DHX29: variants seen among roughly 807,000 people sequenced by gnomAD.
DHX29 encodes the protein DExH-box helicase 29.
A neutral mutation model predicts 167.9 loss-of-function variants in DHX29; 79 were observed. The ratio of observed to expected loss-of-function variants is 0.47; its 90% confidence interval spans 0.39 to 0.57. DHX29 has a LOEUF of 0.57. Among genes scored for constraint, DHX29 ranks in the 20% least tolerant of loss-of-function variants. The probability of loss-of-function intolerance (pLI) is 0.00; values close to 1 mark genes in which losing one functional copy is unlikely to be tolerated. For synonymous variants in DHX29, 530 were observed against 546.0 expected, an observed-to-expected ratio of 0.97 and a Z score of 0.41; for missense variants, 1,347 against 1,593.4, an observed-to-expected ratio of 0.85 and a Z score of 2.63.
intron 12 of DHX29, among the ~76,000 whole-genome samples, chr5:55,280,713 C>T (rs1161765852): frequency 6.6e-6 from 1 of 152,160 alleles, no homozygotes; most frequent in African/African-American, 2.4e-5. Flanking sequence ...GCTTGCAGCA[C>T]ATTCAGCATT....
intron 10 of DHX29, among the ~76,000 whole-genome samples, chr5:55,284,226 G>A (rs959124471): frequency 5.3e-5 from 8 of 152,082 alleles, no homozygotes; most frequent in Non-Finnish European, 1.0e-4. Flanking sequence ...GCTTATTCTC[G>A]GAATATGTTG....
chr5:55,283,906 A>G, intron 10 of DHX29, 95 bp from the exon 11 acceptor site: 1 of 1,034,674 alleles, frequency 9.7e-7, no homozygotes, highest in South Asian at 2.0e-5. Flanking sequence ...TTCATCTTAA[A>G]ATATAATTTG....
intron 13 of DHX29, 50 bp downstream of exon 13, chr5:55,277,056 C>A: frequency 7.2e-7 from 1 of 1,384,240 alleles, no homozygotes; most frequent in Non-Finnish European, 1.0e-6. Context: ...GGGAAAGAAC[C>A]TGGTGGGAAT....
intron 10 of DHX29, among the ~76,000 whole-genome samples, chr5:55,284,799 T>C (rs1476918336): frequency 2.0e-5 from 3 of 152,050 alleles, no homozygotes; most frequent in Non-Finnish European, 4.4e-5. Flanking sequence ...CGAGACAATA[T>C]AACATTAAAG....
chr5:55,269,048 C>T (rs1332749571), intron 21 of DHX29, among the ~76,000 whole-genome samples: 1 of 151,626 alleles, frequency 6.6e-6, no homozygotes, highest in African/African-American at 2.4e-5. Flanking sequence ...AAATTCTTAT[C>T]CAACCTGGCC....
In DHX29 at chr5:55,307,484, A is replaced by T. The variant is rs1394002901; in HGVS notation, c.90T>A (p.Ala30=). The part of the protein sequence containing the change: ...VSASRAKSAE[A]GIAGEAQSKK... ...TGCTTTGGGCCTCCCCGGCAATTCC[A>T]GCCTCGGCAGATTTGGCTCTGGAAG... is the stretch of plus-strand genomic sequence containing the variant. The change falls in exon 1 of 27, where the codon GCT becomes GCA. Residue 30 remains alanine (A), a synonymous_variant. Transcript: ENST00000251636. 6.2e-7 allele frequency: 1 copy of T among 1,613,570 alleles called. No homozygotes were observed. Among genetic ancestry groups the T allele is most frequent in the Admixed American group, 1.7e-5 (1 of 60,028 alleles).
chr5:55,299,015 C>T (rs1456259593), intron 1 of DHX29, among the ~76,000 whole-genome samples: 1 of 122,366 alleles, frequency 8.2e-6, no homozygotes, highest in African/African-American at 3.2e-5. Flanking sequence ...CCGGCCTGGG[C>T]GACAGAGCGA....
chr5:55,299,396 TC>T (rs528666922), intron 1 of DHX29, among the ~76,000 whole-genome samples: 36 of 152,274 alleles, frequency 2.4e-4, no homozygotes, highest in African/African-American at 8.7e-4. Flanking sequence ...AGGTGGGAGT[TC>T]CTATCATCTT....
Position 55,290,343 on chromosome 5 carries a change from T to G in DHX29, c.782A>C (p.Asn261Thr). ...SLEEEEKFDP[N>T]ERYLHLAAKL... ...TGCTGCAAGATGTAAGTACCTTTCA[T>G]TCTGTTCCAAATAAAACAATGAGGA... The change falls in exon 7 of 27, where the codon AAT becomes ACT. Residue 261 changes from asparagine to threonine, a missense_variant and splice_region_variant. Around this residue, in one of 3 missense-constraint regions of DHX29, gnomAD observed 405 missense variants for 416.8 expected, o/e 0.97. Coordinates refer to ENST00000251636, the MANE Select transcript of DHX29 (RefSeq NM_019030.4). 1.9e-6 allele frequency: 3 copies of G among 1,596,244 alleles called. No individual in the cohort carries two copies. The highest frequency in any genetic ancestry group is 2.6e-6 in the Non-Finnish European group (3 of 1,175,388).
At position 55,275,084 on chromosome 5, in the gene DHX29, C is replaced by A. The variant is rs779167105; in HGVS notation, c.2428-74G>T. On this transcript the variant is annotated intron_variant, in intron 14 of 26. Coordinates refer to ENST00000251636, the MANE Select transcript of DHX29 (RefSeq NM_019030.4). ...TTGTAAGACAAAGAAGGAAAAAAGG[C>A]GGTATTTGCATTCATTCAAATCTAT... 5.9e-6 allele frequency: 9 copies of A among 1,517,458 alleles called. No individual in the cohort carries two copies. The African/African-American group carries it at 1.3e-4, about 21-fold the overall frequency. The allele number at this position is 1,517,458 out of a possible 1,614,324, so 94.0% of individuals were successfully genotyped here.
At chr5:55,284,097 G>A (rs1291279725) in intron 10 of DHX29, among the ~76,000 whole-genome samples, 3 of 152,182 alleles carry the variant, frequency 2.0e-5, no homozygotes, top group South Asian at 2.1e-4. Flanking sequence ...TGACTGACTA[G>A]CTGTGTAACC....
At chr5:55,292,220 C>A (rs1274321426) in intron 6 of DHX29, among the ~76,000 whole-genome samples, 6 of 152,148 alleles carry the variant, frequency 3.9e-5, no homozygotes, top group African/African-American at 1.4e-4. Context: ...GACATCCTAA[C>A]GGGTGTGAAA....
chr5:55,296,076 C>G, intron 4 of DHX29, 144 bp downstream of exon 4: 1 of 885,812 alleles, frequency 1.1e-6, no homozygotes, highest in South Asian at 3.1e-5. Flanking sequence ...GGAAAATATC[C>G]TGAAAAGAAC....
At chr5:55,267,657 T>C in intron 22 of DHX29, 29 bp downstream of exon 22, 2 of 1,575,020 alleles carry the variant, frequency 1.3e-6, no homozygotes, top group Non-Finnish European at 8.6e-7. Flanking sequence ...GTAATTGGCT[T>C]ACTGATAACA....
At chr5:55,280,292 G>A (rs1261817664) in intron 12 of DHX29, among the ~76,000 whole-genome samples, 1 of 152,140 alleles carries the variant, frequency 6.6e-6, no homozygotes, top group Non-Finnish European at 1.5e-5. Context: ...ACAACTTCCT[G>A]AAGTTGGTCT....
At chr5:55,299,978 T>G (rs1748518723) in intron 1 of DHX29, among the ~76,000 whole-genome samples, 1 of 152,186 alleles carries the variant, frequency 6.6e-6, no homozygotes, top group African/African-American at 2.4e-5. Context: ...TCTTAAAAAT[T>G]ACTGAGGATC....
chr5:55,257,651 A>G (rs916675933), intron 26 of DHX29, among the ~76,000 whole-genome samples: 1 of 152,212 alleles, frequency 6.6e-6, no homozygotes, highest in Non-Finnish European at 1.5e-5. Flanking sequence ...GAGTAAGTTC[A>G]GTTACTGTTT....
intron 12 of DHX29, among the ~76,000 whole-genome samples, chr5:55,278,950 T>C (rs1406426995): frequency 1.3e-5 from 2 of 152,208 alleles, no homozygotes; most frequent in East Asian, 3.9e-4. Context: ...GTTGTGATTT[T>C]ATCCCAATGA....
intron 21 of DHX29, among the ~76,000 whole-genome samples, chr5:55,269,181 T>C (rs910374702): frequency 2.0e-5 from 3 of 149,992 alleles, no homozygotes; most frequent in Non-Finnish European, 3.0e-5. Flanking sequence ...GAGGCAGAGG[T>C]TGCAGTGAGC....
Sources: allele counts gnomAD v4.1 joint callset (sites outside exome capture counted in the v4.1 genomes callset), GRCh38; gene constraint gnomAD v4.1.1; regional missense constraint gnomAD v4.1.1; transcripts MANE v1.5; gene names NCBI Gene and HGNC (gene_info 2026-07-23, HGNC 2026-07-21).